ZNF385D: variants seen among roughly 807,000 people sequenced by gnomAD.
The protein encoded by ZNF385D is zinc finger protein 385D, also known as zinc finger protein 659.
ZNF385D carries 15 observed loss-of-function variants against 35.8 expected under a neutral mutation model. That is an observed-to-expected ratio of 0.42 (90% CI 0.28 to 0.64). The LOEUF (loss-of-function observed/expected upper bound fraction) is 0.64, where lower values mean the gene tolerates loss of function less well. Among genes scored for constraint, ZNF385D ranks in the 30% least tolerant of loss-of-function variants. The pLI, the probability that ZNF385D is intolerant of heterozygous loss-of-function variation, is 0.23. For missense variants in ZNF385D, 474 were observed against 494.6 expected, an observed-to-expected ratio of 0.96 and a Z score of 0.39; for synonymous variants, 212 against 186.8, an observed-to-expected ratio of 1.13 and a Z score of -1.10.
At chr3:21,644,300 C>G (rs1434688711) in intron 2 of ZNF385D, among the ~76,000 whole-genome samples, 2 of 152,060 alleles carry the variant, frequency 1.3e-5, no homozygotes, top group Non-Finnish European at 2.9e-5. Flanking sequence ...TAATTATTTA[C>G]CCAGTTATTC....
At chr3:21,880,046 A>C (rs183110776) in intron 3 of ZNF385D, among the ~76,000 whole-genome samples, 1 of 152,106 alleles carries the variant, frequency 6.6e-6, no homozygotes, top group Admixed American at 6.6e-5. Context: ...TAAAAATACT[A>C]TGGGTATGCA....
At position 21,554,426 on chromosome 3, in the gene ZNF385D, A is replaced by G. The variant is rs2062665091; in HGVS notation, c.276+10148T>C. ...GATGTAAACAGATGTACTATCATCC[A>G]GCCTTCTTGTTGCATTTGTAGACCA... On this transcript the variant is annotated intron_variant, in intron 3 of 7. Coordinates refer to ENST00000281523, the MANE Select transcript of ZNF385D (RefSeq NM_024697.3). Among the ~76,000 whole-genome samples the G allele has an allele frequency of 3.3e-5, 5 of 152,214 alleles. No homozygotes were observed. In the South Asian group the frequency reaches 1.0e-3, roughly 32 times the overall value.
intron 3 of ZNF385D, among the ~76,000 whole-genome samples, chr3:21,826,142 A>C (rs1171525874): frequency 6.6e-6 from 1 of 152,146 alleles, no homozygotes; most frequent in Non-Finnish European, 1.5e-5. Flanking sequence ...AGTTGCTTTG[A>C]CCAGAAGTAG....
intron 3 of ZNF385D, among the ~76,000 whole-genome samples, chr3:22,162,016 A>G (rs956769807): frequency 4.6e-5 from 7 of 152,174 alleles, no homozygotes; most frequent in Non-Finnish European, 1.0e-4. Context: ...AGACTTTGTA[A>G]GACTGTTGAT....
intron 2 of ZNF385D, among the ~76,000 whole-genome samples, chr3:22,231,687 G>A (rs180891617): frequency 4.6e-5 from 7 of 152,194 alleles, no homozygotes; most frequent in African/African-American, 1.7e-4. Flanking sequence ...TTGCCAGGTA[G>A]ATGGGTCCCA....
chr3:21,559,375 CTT>C (rs1473713317), intron 3 of ZNF385D, among the ~76,000 whole-genome samples: 1 of 152,130 alleles, frequency 6.6e-6, no homozygotes, highest in African/African-American at 2.4e-5. Flanking sequence ...GACAAAATCT[CTT>C]TTGCTTGTCT....
At chr3:21,842,143 T>TA (rs1395800970) in intron 3 of ZNF385D, among the ~76,000 whole-genome samples, 1 of 152,038 alleles carries the variant, frequency 6.6e-6, no homozygotes, top group African/African-American at 2.4e-5. Flanking sequence ...CAATGACAGA[T>TA]AACTGGTTAT....
intron 3 of ZNF385D, among the ~76,000 whole-genome samples, chr3:22,083,772 CAT>C (rs1435828091): frequency 6.6e-6 from 1 of 152,086 alleles, no homozygotes; most frequent in Admixed American, 6.5e-5. Flanking sequence ...CCCTAAGACA[CAT>C]AATTGTCAGA....
chr3:22,217,958 G>T (rs568359723), intron 2 of ZNF385D, among the ~76,000 whole-genome samples: 8 of 152,066 alleles, frequency 5.3e-5, no homozygotes, highest in Admixed American at 2.0e-4. Flanking sequence ...CAAATTCACC[G>T]TCCTTTTATG....
chr3:22,150,349 A>G (rs149670373), intron 3 of ZNF385D, among the ~76,000 whole-genome samples: 57 of 151,888 alleles, frequency 3.8e-4, no homozygotes, highest in African/African-American at 1.3e-3. Context: ...GTTTTGCTTT[A>G]TTTATATAAA....
At chr3:21,700,140 A>G (rs2067625354) in intron 1 of ZNF385D, among the ~76,000 whole-genome samples, 2 of 151,876 alleles carry the variant, frequency 1.3e-5, no homozygotes, top group African/African-American at 2.4e-5. Flanking sequence ...TCAGCCCCCT[A>G]TGTTATGTTT....
chr3:21,543,516 A>C (rs1411223849), intron 3 of ZNF385D, among the ~76,000 whole-genome samples: 1 of 152,040 alleles, frequency 6.6e-6, no homozygotes, highest in East Asian at 1.9e-4. Context: ...AGGGTCCCGC[A>C]CAGCCGGTTG....
chr3:22,029,811 G>A (rs541052017), intron 3 of ZNF385D, among the ~76,000 whole-genome samples: 72 of 152,196 alleles, frequency 4.7e-4, no homozygotes, highest in Middle Eastern at 3.4e-3. Flanking sequence ...GTCTTTATTT[G>A]AAGATTATGT....
At chr3:21,469,301 C>T (rs986757799) in intron 4 of ZNF385D, among the ~76,000 whole-genome samples, 3 of 152,168 alleles carry the variant, frequency 2.0e-5, no homozygotes, top group Non-Finnish European at 4.4e-5. Flanking sequence ...ATCATGGTCA[C>T]ATTGTGATTT....
chr3:22,046,387 C>T (rs566001058), intron 3 of ZNF385D, among the ~76,000 whole-genome samples: 9 of 152,034 alleles, frequency 5.9e-5, no homozygotes, highest in Non-Finnish European at 1.0e-4. Context: ...GCCCTGACAG[C>T]CCACTATATT....
At chr3:21,803,386 A>G (rs1298706592) in intron 3 of ZNF385D, among the ~76,000 whole-genome samples, 1 of 152,162 alleles carries the variant, frequency 6.6e-6, no homozygotes, top group Non-Finnish European at 1.5e-5. Context: ...TTTTCTAGAA[A>G]ATCATCTGGA....
chr3:22,176,689 C>G (rs1230651885), intron 2 of ZNF385D, among the ~76,000 whole-genome samples: 3 of 152,214 alleles, frequency 2.0e-5, no homozygotes, highest in Admixed American at 2.0e-4. Context: ...AAGCAGTAGA[C>G]TTTTTAGAAT....
chr3:22,357,163 T>C (rs1415893904), intron 2 of ZNF385D, among the ~76,000 whole-genome samples: 1 of 151,910 alleles, frequency 6.6e-6, no homozygotes, highest in African/African-American at 2.4e-5. Context: ...GGAAGAAAAA[T>C]AGACCAGAAT....
At chr3:22,283,322 A>G (rs1701863975) in intron 2 of ZNF385D, among the ~76,000 whole-genome samples, 2 of 152,258 alleles carry the variant, frequency 1.3e-5, no homozygotes, top group East Asian at 1.9e-4. Flanking sequence ...TAAACCCTAG[A>G]ACAAATGGAC....
Sources: allele counts gnomAD v4.1 joint callset (sites outside exome capture counted in the v4.1 genomes callset), GRCh38; gene constraint gnomAD v4.1.1; transcripts MANE v1.5; gene names NCBI Gene and HGNC (gene_info 2026-07-23, HGNC 2026-07-21).